GLRA3: variants seen among roughly 807,000 people sequenced by gnomAD.
The protein encoded by GLRA3 is glycine receptor alpha 3.
GLRA3 carries 44 observed loss-of-function variants against 60.4 expected under a neutral mutation model. The ratio of observed to expected loss-of-function variants is 0.73; its 90% confidence interval spans 0.57 to 0.94. The LOEUF (loss-of-function observed/expected upper bound fraction) is 0.94. Ranked by LOEUF, GLRA3 falls within the 40% of genes least tolerant of loss-of-function variation. The pLI is 0.00. For synonymous variants in GLRA3, 223 were observed against 192.9 expected, an observed-to-expected ratio of 1.16 and a Z score of -1.29; for missense variants, 508 against 564.6, an observed-to-expected ratio of 0.90 and a Z score of 1.02.
intron 2 of GLRA3, among the ~76,000 whole-genome samples, chr4:174,780,561 G>C (rs1236328029): frequency 6.8e-6 from 1 of 147,160 alleles, no homozygotes; most frequent in African/African-American, 2.5e-5. Flanking sequence ...GCTGTATTCA[G>C]GAAACCCATC....
intron 1 of GLRA3, among the ~76,000 whole-genome samples, chr4:174,798,145 C>T (rs1418664874): frequency 6.6e-6 from 1 of 152,112 alleles, no homozygotes; most frequent in Non-Finnish European, 1.5e-5. Context: ...CACAATGTTC[C>T]ATGTATCTCT....
chr4:174,793,418 ACATT>A (rs33919453), intron 1 of GLRA3, among the ~76,000 whole-genome samples: 34,498 of 144,874 alleles, frequency 0.24, 5,066 homozygotes, highest in African/African-American at 0.41. Flanking sequence ...GTCAAAATTT[ACATT>A]CATTTATTTA....
chr4:174,680,248 G>A (rs557236938), intron 6 of GLRA3, among the ~76,000 whole-genome samples: 3 of 152,056 alleles, frequency 2.0e-5, no homozygotes, highest in Non-Finnish European at 2.9e-5. Flanking sequence ...AATATACTCA[G>A]TATATGTGGA....
chr4:174,760,183 C>T (rs1414883084), intron 3 of GLRA3, among the ~76,000 whole-genome samples: 1 of 152,080 alleles, frequency 6.6e-6, no homozygotes, highest in African/African-American at 2.4e-5. Context: ...AAGCATTTTG[C>T]ATAAAGAACA....
At chr4:174,770,480 G>A (rs1738335513) in intron 2 of GLRA3, among the ~76,000 whole-genome samples, 1 of 152,072 alleles carries the variant, frequency 6.6e-6, no homozygotes, top group African/African-American at 2.4e-5. Flanking sequence ...GGGCTTGGGA[G>A]CATTGAAAAT....
chr4:174,693,201 C>T (rs1445509538), intron 5 of GLRA3, among the ~76,000 whole-genome samples: 1 of 152,048 alleles, frequency 6.6e-6, no homozygotes, highest in Non-Finnish European at 1.5e-5. Flanking sequence ...GTTGCAATTG[C>T]TTTTGGTGTC....
intron 5 of GLRA3, among the ~76,000 whole-genome samples, chr4:174,714,199 C>T (rs963615653): frequency 6.6e-6 from 1 of 152,162 alleles, no homozygotes; most frequent in Non-Finnish European, 1.5e-5. Flanking sequence ...AATTTTCTTG[C>T]CCCTTATATG....
intron 2 of GLRA3, among the ~76,000 whole-genome samples, chr4:174,784,531 A>T (rs934428962): frequency 6.6e-6 from 1 of 151,874 alleles, no homozygotes; most frequent in African/African-American, 2.4e-5. Context: ...CAAAACTTAG[A>T]TGCAAATTCA....
At chr4:174,786,323 A>G (rs1354482428) in intron 2 of GLRA3, among the ~76,000 whole-genome samples, 1 of 152,090 alleles carries the variant, frequency 6.6e-6, no homozygotes, top group African/African-American at 2.4e-5. Flanking sequence ...CAGAGAAAAA[A>G]TGAGTGCAAT....
At chr4:174,758,704 A>G (rs1243759765) in intron 3 of GLRA3, among the ~76,000 whole-genome samples, 7 of 152,174 alleles carry the variant, frequency 4.6e-5, no homozygotes, top group Admixed American at 4.6e-4. Context: ...TAACATGGTA[A>G]TAATAGAGGA....
intron 3 of GLRA3, among the ~76,000 whole-genome samples, chr4:174,751,898 C>T (rs1420192926): frequency 6.6e-6 from 1 of 151,414 alleles, no homozygotes; most frequent in Non-Finnish European, 1.5e-5. Flanking sequence ...TAAAATTTCA[C>T]GGGGAGGGCA....
intron 5 of GLRA3, among the ~76,000 whole-genome samples, chr4:174,685,254 G>A (rs1352058): frequency 0.36 from 54,209 of 151,874 alleles, 10,277 homozygotes; most frequent in Middle Eastern, 0.45. Context: ...CCCAGACACA[G>A]TGAAATCTGC....
chr4:174,825,444 C>T (rs775002029), intron 1 of GLRA3, among the ~76,000 whole-genome samples: 4 of 151,908 alleles, frequency 2.6e-5, no homozygotes, highest in Non-Finnish European at 5.9e-5. Flanking sequence ...AGTTTTGACA[C>T]GATGTGCCCT....
rs559855095 is a variant in GLRA3, at chr4:174,826,635, G to C, written c.71+2106C>G. 1.2e-4 allele frequency among the ~76,000 whole-genome samples: 18 copies of C among 152,254 alleles called. No homozygotes were observed. In the South Asian group the frequency reaches 1.5e-3, roughly 12 times the overall value. ...CCTATGACATAAAAAGTCTGTACTA[G>C]TGAATTATTTACTTATAAATATCTG... On this transcript the variant is annotated intron_variant, in intron 1 of 9. Transcript: ENST00000274093.
chr4:174,654,810 C>A (rs917540355), intron 9 of GLRA3, among the ~76,000 whole-genome samples: 1 of 152,118 alleles, frequency 6.6e-6, no homozygotes, highest in African/African-American at 2.4e-5. Context: ...CACACACACA[C>A]AGCACTGGAG....
intron 3 of GLRA3, among the ~76,000 whole-genome samples, chr4:174,744,097 T>C (rs1481878788): frequency 6.6e-6 from 1 of 152,182 alleles, no homozygotes; most frequent in Admixed American, 6.5e-5. Context: ...GGTGCTGTGG[T>C]GCTGCAGCCA....
intron 7 of GLRA3, among the ~76,000 whole-genome samples, chr4:174,669,862 C>T (rs1036611417): frequency 2.6e-5 from 4 of 152,176 alleles, no homozygotes; most frequent in African/African-American, 7.2e-5. Context: ...AGGTGTGAGC[C>T]ACTCACGTAA....
intron 6 of GLRA3, among the ~76,000 whole-genome samples, chr4:174,677,760 C>A (rs1381788298): frequency 6.6e-6 from 1 of 152,134 alleles, no homozygotes. Flanking sequence ...CTGTTAGCAT[C>A]AAGAAGCAAT....
intron 9 of GLRA3, among the ~76,000 whole-genome samples, chr4:174,651,274 A>G (rs1733012552): frequency 6.6e-6 from 1 of 152,174 alleles, no homozygotes; most frequent in African/African-American, 2.4e-5. Context: ...TGGCCAATTA[A>G]AACATTTAAT....
Sources: allele counts gnomAD v4.1 joint callset (sites outside exome capture counted in the v4.1 genomes callset), GRCh38; gene constraint gnomAD v4.1.1; transcripts MANE v1.5; gene names NCBI Gene and HGNC (gene_info 2026-07-23, HGNC 2026-07-21).